Variants in TET1 observed in about 807,000 individuals in gnomAD.
TET1 encodes methylcytosine dioxygenase TET1.
A neutral mutation model predicts 148.7 loss-of-function variants in TET1; 13 were observed. The observed-to-expected ratio is 0.09, with a 90% CI of 0.06 to 0.14. TET1 has a LOEUF of 0.14. Among genes scored for constraint, TET1 ranks in the 10% least tolerant of loss-of-function variants. The pLI is 1.00. For missense variants in TET1, 2,182 were observed against 2,553.8 expected (o/e 0.85, Z 3.14); for synonymous variants, 907 against 937.2 (o/e 0.97, Z 0.59).
In TET1 at chr10:68,611,847, G is replaced by C. The variant is rs371630729; in HGVS notation, c.1968+10813G>C. On this transcript the variant is annotated intron_variant, in intron 3 of 11. Coordinates refer to ENST00000373644, the MANE Select transcript of TET1 (RefSeq NM_030625.3). ...CCATGAGTAGCTCGGGAGGTGGGGG[G>C]GGTGGGGAGAGAGGGAGAGAGAGAG... 4.1e-5 allele frequency among the ~76,000 whole-genome samples: 6 copies of C among 145,420 alleles called. No homozygotes were observed. The East Asian group carries it at 1.0e-3, about 25-fold the overall frequency.
rs749108361 is a variant in TET1 at position 68,686,490 on chromosome 10, C to G, written c.5187C>G (p.Ile1729Met). The change falls in exon 11 of 12, where the codon ATC becomes ATG. Residue 1729 changes from isoleucine to methionine, a missense_variant. This residue lies in a region of TET1 where 380 missense variants were observed against 387.9 expected (regional missense o/e 0.98). Coordinates refer to ENST00000373644, the MANE Select transcript of TET1 (RefSeq NM_030625.3). ...CCAAGGAAGGAATGGAAGCCAAGAT[C>G]AAATCTGGGGCCATCGAGGTCCTGG... Reference protein sequence around the residue: ...FGSKEGMEAKIKSGAIEVLAP... With the variant: ...FGSKEGMEAKMKSGAIEVLAP... The G allele has an allele frequency of 6.2e-7, 1 of 1,613,900 alleles. No homozygotes were observed. The highest frequency in any genetic ancestry group is 8.5e-7 in the Non-Finnish European group (1 of 1,180,030).
intron 3 of TET1, among the ~76,000 whole-genome samples, chr10:68,638,581 T>G (rs2054689744): frequency 1.3e-5 from 2 of 152,014 alleles, no homozygotes; most frequent in Admixed American, 6.6e-5. Context: ...TGGTTATTGG[T>G]GAAGATGAAA....
chr10:68,675,446 A>C (rs1431409208), intron 8 of TET1, among the ~76,000 whole-genome samples: 1 of 152,216 alleles, frequency 6.6e-6, no homozygotes, highest in East Asian at 1.9e-4. Flanking sequence ...TTGATGCCTT[A>C]TAAAAAGCTT....
intron 3 of TET1, among the ~76,000 whole-genome samples, chr10:68,605,382 A>G (rs1344470438): frequency 6.6e-6 from 1 of 152,216 alleles, no homozygotes; most frequent in East Asian, 1.9e-4. Context: ...CTGCGGTAGG[A>G]GAATCACTTG....
At chr10:68,657,093 T>C (rs921016858) in intron 6 of TET1, among the ~76,000 whole-genome samples, 1 of 152,042 alleles carries the variant, frequency 6.6e-6, no homozygotes, top group Non-Finnish European at 1.5e-5. Flanking sequence ...ATCCCAGCAC[T>C]TTGGGAGGCT....
At chr10:68,674,192 G>A (rs1002504653) in intron 8 of TET1, among the ~76,000 whole-genome samples, 2 of 151,906 alleles carry the variant, frequency 1.3e-5, no homozygotes, top group African/African-American at 4.8e-5. Context: ...TCGAACTCCG[G>A]ATCTCAGGTG....
Position 68,691,028 on chromosome 10 carries a change from A to G in TET1, c.5625A>G (p.Arg1875=). ...CAGCCTCATGCGGGTTTTCAGAAAG[A>G]AGCAGCACTCCCCACTGTACGATGC... The part of the protein sequence containing the change: ...DATASCGFSE[R]SSTPHCTMPS... Residue 1875 remains arginine, a synonymous_variant, in exon 12 of 12, where the codon AGA becomes AGG. Coordinates refer to ENST00000373644, the MANE Select transcript of TET1 (RefSeq NM_030625.3). This position sits in a 1 kb window ranked among gnomAD's most constrained non-coding sequence, Gnocchi z 4.4. 1 of 1,614,122 alleles carries G rather than the reference A, an allele frequency of 6.2e-7. No homozygotes were observed. Among genetic ancestry groups the G allele is most frequent in the East Asian group, 2.2e-5 (1 of 44,872 alleles).
intron 11 of TET1, among the ~76,000 whole-genome samples, chr10:68,687,577 TTTG>T (rs1345551379): frequency 6.6e-6 from 1 of 152,128 alleles, no homozygotes; most frequent in Non-Finnish European, 1.5e-5. Flanking sequence ...GTTTTGTTTC[TTTG>T]TTATTTTGTT....
intron 3 of TET1, among the ~76,000 whole-genome samples, chr10:68,618,885 T>C (rs1405002253): frequency 6.6e-6 from 1 of 152,194 alleles, no homozygotes; most frequent in African/African-American, 2.4e-5. Context: ...GAGGATCACC[T>C]GAGCCCAGGA....
intron 6 of TET1, among the ~76,000 whole-genome samples, chr10:68,660,359 G>A (rs1196885418): frequency 8.3e-6 from 1 of 121,188 alleles, no homozygotes; most frequent in African/African-American, 3.5e-5. Context: ...TTTTTTTTGA[G>A]ATGGAATTTC....
intron 1 of TET1, among the ~76,000 whole-genome samples, chr10:68,569,980 A>G (rs1382013224): frequency 1.3e-5 from 2 of 151,856 alleles, no homozygotes; most frequent in Non-Finnish European, 2.9e-5. Context: ...AATAATTTCA[A>G]CTCTTTTAGG....
chr10:68,628,405 G>T (rs968050786), intron 3 of TET1, among the ~76,000 whole-genome samples: 1 of 152,158 alleles, frequency 6.6e-6, no homozygotes, highest in African/African-American at 2.4e-5. Flanking sequence ...ACATGATTAT[G>T]CCAGTATTAC....
intron 9 of TET1, among the ~76,000 whole-genome samples, chr10:68,682,426 T>C (rs961897877): frequency 6.6e-6 from 1 of 152,212 alleles, no homozygotes; most frequent in Non-Finnish European, 1.5e-5. Flanking sequence ...CCTTTTCATT[T>C]TAAAAGGAGT....
Position 68,560,624 on chromosome 10 carries a change from C to A in TET1, c.-241C>A, listed in dbSNP as rs2664443. On this transcript the variant is annotated 5_prime_UTR_variant, in exon 1 of 12. Coordinates refer to ENST00000373644, the MANE Select transcript of TET1 (RefSeq NM_030625.3). ...GACCCGCCCGCGCCCCTCGCGCCCG[C>A]CGGGGCCCCGGGCTCCAAAGTTGTG... 0.98 allele frequency: 150,167 copies of A among 152,658 alleles called. 73,910 individuals are homozygous for A. Among genetic ancestry groups the A allele is most frequent in the Middle Eastern group, 1 (294 of 294 alleles). The allele number at this position is 152,658 out of a possible 1,614,324, so 9.5% of individuals were successfully genotyped here.
intron 4 of TET1, among the ~76,000 whole-genome samples, chr10:68,648,640 C>A (rs1363200982): frequency 6.6e-6 from 1 of 152,168 alleles, no homozygotes; most frequent in African/African-American, 2.4e-5. Flanking sequence ...GTATATCACA[C>A]TGATTTTTTA....
chr10:68,632,124 A>G (rs1170581335), intron 3 of TET1, among the ~76,000 whole-genome samples: 1 of 152,036 alleles, frequency 6.6e-6, no homozygotes, highest in East Asian at 1.9e-4. Flanking sequence ...GATCGAGACC[A>G]TCGTGGCTAA....
rs553591899 is a variant in TET1 at position 68,597,030 on chromosome 10, A to ATTTT, written c.1915-3933_1915-3930dup. On this transcript the variant is annotated intron_variant, in intron 2 of 11. Coordinates refer to ENST00000373644, the MANE Select transcript of TET1 (RefSeq NM_030625.3). ...ATTTTCATGATCACACAGCTAATGGATTTTTTTTTTTTTTTTTTTTTGAGA... is the reference window on the plus strand; with the variant it reads ...ATTTTCATGATCACACAGCTAATGGATTTTTTTTTTTTTTTTTTTTTTTTTGAGA... Among the ~76,000 whole-genome samples the ATTTT allele has an allele frequency of 1.9e-3, 188 of 98,852 alleles. 18 individuals are homozygous for ATTTT. The highest frequency in any genetic ancestry group is 2.8e-3 in the Non-Finnish European group (144 of 51,416). The allele number at this position is 98,852 out of a possible 152,430, so 64.9% of individuals were successfully genotyped here. A position where few individuals can be genotyped will look rare whatever the true frequency, so the allele number is the denominator to read the frequency against.
At chr10:68,585,530 A>G (rs1372852883) in intron 2 of TET1, among the ~76,000 whole-genome samples, 1 of 152,122 alleles carries the variant, frequency 6.6e-6, no homozygotes, top group Non-Finnish European at 1.5e-5. Context: ...TCTACATCAG[A>G]GGTTCTTACT....
chr10:68,664,122 G>A (rs953927304), intron 6 of TET1, among the ~76,000 whole-genome samples: 7 of 151,892 alleles, frequency 4.6e-5, no homozygotes, highest in South Asian at 2.1e-4. Flanking sequence ...CATGAGCCAC[G>A]GTGCCGGCCT....
Sources: gnomAD v4.1 joint callset for allele counts (sites outside exome capture counted in the v4.1 genomes callset) on GRCh38, gnomAD v4.1.1 for gene constraint, gnomAD v4.1.1 regional missense constraint, Gnocchi (gnomAD v3.1) non-coding constraint, MANE v1.5 for transcripts, NCBI Gene and HGNC (gene_info 2026-07-23, HGNC 2026-07-21) for gene names.